Variants in ZNF385D observed in about 807,000 individuals in gnomAD.
The protein encoded by ZNF385D is zinc finger protein 659.
Under a neutral mutation model 35.8 loss-of-function variants are expected in ZNF385D, and 15 were observed. That is an observed-to-expected ratio of 0.42 (90% confidence interval 0.28 to 0.64). The LOEUF (loss-of-function observed/expected upper bound fraction) is 0.64, where lower values mean the gene tolerates loss of function less well. ZNF385D is among the 30% of genes least tolerant of loss of function. ZNF385D has a pLI of 0.23. For missense variants in ZNF385D, 474 were observed against 494.6 expected (o/e 0.96, Z 0.39); for synonymous variants, 212 against 186.8 (o/e 1.13, Z -1.10).
Position 22,047,673 on chromosome 3 carries a change from A to G in ZNF385D, c.325+121144T>C, listed in dbSNP as rs528103366. Among the ~76,000 whole-genome samples, 24 of 152,226 alleles carry G rather than the reference A, an allele frequency of 1.6e-4. 1 individual carries two copies. The South Asian group carries it at 4.6e-3, about 29-fold the overall frequency. On this transcript the variant is annotated intron_variant, in intron 3 of 5. Transcript: ENST00000494108. ...TGGTGGATATGTAGGTTGATTTCGT[A>G]TCTTAGCTATTGTGAATGTTTCTTC...
intron 3 of ZNF385D, among the ~76,000 whole-genome samples, chr3:21,810,311 C>T (rs13071008): frequency 0.65 from 98,712 of 150,720 alleles, 33,088 homozygotes; most frequent in Non-Finnish European, 0.7. Context: ...TTACCATTCA[C>T]GATAAAAAGA....
At position 22,332,698 on chromosome 3, in the gene ZNF385D, T is replaced by A. The variant is rs922582526; in HGVS notation, c.106+39752A>T. 4.6e-5 allele frequency among the ~76,000 whole-genome samples: 7 copies of A among 152,090 alleles called. No homozygotes were observed. In the East Asian group the frequency reaches 1.2e-3, roughly 25 times the overall value. On this transcript the variant is annotated intron_variant, in intron 2 of 5. Transcript: ENST00000494108. ...TTATATGGAAAGCCAAGATGAGAAT[T>A]TGAATCAGCATGTGGAAGCAAGTGG...
At chr3:21,534,544 C>G (rs1447955279) in intron 3 of ZNF385D, among the ~76,000 whole-genome samples, 3 of 152,032 alleles carry the variant, frequency 2.0e-5, no homozygotes, top group African/African-American at 7.2e-5. Context: ...GTGCTTTTAC[C>G]CATGCTGCTA....
intron 3 of ZNF385D, among the ~76,000 whole-genome samples, chr3:22,109,502 G>A (rs953884946): frequency 2.6e-5 from 4 of 152,140 alleles, no homozygotes; most frequent in African/African-American, 9.7e-5. Flanking sequence ...AGCTACTGAT[G>A]TTTGGAAATG....
intron 2 of ZNF385D, among the ~76,000 whole-genome samples, chr3:22,278,415 T>C (rs1173687176): frequency 6.6e-6 from 1 of 152,092 alleles, no homozygotes; most frequent in Non-Finnish European, 1.5e-5. Flanking sequence ...ACCATTTTTG[T>C]TTTTCTCCAG....
intron 2 of ZNF385D, among the ~76,000 whole-genome samples, chr3:22,318,368 G>T (rs1431896926): frequency 6.6e-6 from 1 of 152,146 alleles, no homozygotes; most frequent in African/African-American, 2.4e-5. Context: ...ACCATGAAGA[G>T]AGCAAACATC....
chr3:22,188,434 T>A (rs1258782863), intron 2 of ZNF385D, among the ~76,000 whole-genome samples: 1 of 150,092 alleles, frequency 6.7e-6, no homozygotes, highest in South Asian at 2.1e-4. Context: ...TGTGTTTACA[T>A]ACAAATACGT....
intron 5 of ZNF385D, among the ~76,000 whole-genome samples, chr3:21,432,420 A>G (rs1701334915): frequency 6.6e-6 from 1 of 152,172 alleles, no homozygotes; most frequent in African/African-American, 2.4e-5. Flanking sequence ...CTAGACATAT[A>G]AGACAAAAAC....
chr3:22,138,458 C>G (rs944899523), intron 3 of ZNF385D, among the ~76,000 whole-genome samples: 6 of 151,966 alleles, frequency 3.9e-5, no homozygotes, highest in Non-Finnish European at 7.4e-5. Flanking sequence ...GGTACTGGTA[C>G]CAAAACAGAG....
At chr3:21,578,117 TTA>T (rs1487603723) in intron 2 of ZNF385D, among the ~76,000 whole-genome samples, 2 of 152,068 alleles carry the variant, frequency 1.3e-5, no homozygotes, top group African/African-American at 2.4e-5. Flanking sequence ...CACCCCACAT[TTA>T]TATGTTTTCT....
rs200447096 is a variant in ZNF385D, at chr3:22,360,906, A to AT, written c.106+11543dup. Among the ~76,000 whole-genome samples the AT allele has an allele frequency of 9.2e-4, 140 of 152,186 alleles. 2 individuals carry two copies. The East Asian group carries it at 0.023, about 25-fold the overall frequency. On this transcript the variant is annotated intron_variant, in intron 2 of 5. Coordinates refer to the ZNF385D transcript ENST00000494108. ...TTTTTGTTTCTTTCAGGTTATACAA[A>AT]TTGAGAACCTTCTAATATTATTTGA...
intron 2 of ZNF385D, among the ~76,000 whole-genome samples, chr3:22,333,270 GTTTTA>G (rs1286374345): frequency 2.0e-5 from 3 of 152,080 alleles, no homozygotes; most frequent in Admixed American, 2.0e-4. Context: ...TATTTCTTTG[GTTTTA>G]TTTTGTTTAG....
intron 1 of ZNF385D, among the ~76,000 whole-genome samples, chr3:21,677,710 A>C (rs1462886882): frequency 1.3e-5 from 2 of 152,006 alleles, no homozygotes; most frequent in Admixed American, 1.3e-4. Context: ...AATAATAATA[A>C]CCAGTAAAAT....
intron 2 of ZNF385D, among the ~76,000 whole-genome samples, chr3:22,240,193 A>AG: frequency 8.4e-6 from 1 of 118,706 alleles, no homozygotes; most frequent in African/African-American, 3.7e-5. Context: ...CAAAAAAAAA[A>AG]AAAAAAAAAA....
At chr3:21,980,294 G>A (rs531454687) in intron 3 of ZNF385D, among the ~76,000 whole-genome samples, 10 of 152,222 alleles carry the variant, frequency 6.6e-5, no homozygotes, top group African/African-American at 2.2e-4. Flanking sequence ...ACAAGAAACC[G>A]TGAACTAGAA....
At chr3:22,026,579 C>T (rs909575926) in intron 3 of ZNF385D, among the ~76,000 whole-genome samples, 2 of 152,106 alleles carry the variant, frequency 1.3e-5, no homozygotes, top group Non-Finnish European at 2.9e-5. Flanking sequence ...TCCAGTGGGT[C>T]CTCGGACTCA....
At chr3:22,148,612 G>C (rs1705016267) in intron 3 of ZNF385D, among the ~76,000 whole-genome samples, 1 of 152,146 alleles carries the variant, frequency 6.6e-6, no homozygotes, top group African/African-American at 2.4e-5. Context: ...TTGAAAAATA[G>C]CGTGACAAGT....
At chr3:21,573,403 C>A (rs1463090262) in intron 2 of ZNF385D, among the ~76,000 whole-genome samples, 1 of 152,088 alleles carries the variant, frequency 6.6e-6, no homozygotes, top group African/African-American at 2.4e-5. Context: ...GAAATCTTGA[C>A]ATTAGGTACT....
intron 4 of ZNF385D, among the ~76,000 whole-genome samples, chr3:21,482,083 C>T (rs1704670392): frequency 6.6e-6 from 1 of 152,002 alleles, no homozygotes; most frequent in South Asian, 2.1e-4. Flanking sequence ...GAACTGAGTC[C>T]AATGAACTAA....
Sources: gnomAD v4.1 joint callset for allele counts (sites outside exome capture counted in the v4.1 genomes callset) on GRCh38, gnomAD v4.1.1 for gene constraint, MANE v1.5 for transcripts, NCBI Gene and HGNC (gene_info 2026-07-23, HGNC 2026-07-21) for gene names.